The following PROCR variants were observed in gnomAD, a reference collection of about 807,000 sequenced individuals.
The protein encoded by PROCR is protein C receptor, also known as endothelial protein C receptor.
PROCR carries 22 observed loss-of-function variants against 24.2 expected under a neutral mutation model. That is an observed-to-expected ratio of 0.91 (90% confidence interval 0.65 to 1.30). The LOEUF is 1.30. Ranked by LOEUF, PROCR falls within the 50% of genes most tolerant of loss-of-function variation. The probability of loss-of-function intolerance (pLI) is 0.00; values close to 1 mark genes in which losing one functional copy is unlikely to be tolerated. For synonymous variants in PROCR, 137 were observed against 139.2 expected (o/e 0.98, Z 0.11); for missense variants, 288 against 307.7 (o/e 0.94, Z 0.48).
chr20:35,191,079 C>T (rs635279), intron 1 of PROCR, among the ~76,000 whole-genome samples: 58,458 of 151,944 alleles, frequency 0.38, 12,482 homozygotes, highest in East Asian at 0.64. Context: ...AGGATGGTCT[C>T]GATCTCTTGA....
downstream of PROCR, chr20:35,177,443 C>CTTTTTTTTTT (rs397865849): frequency 2.0e-5 from 10 of 512,368 alleles, 1 homozygote; most frequent in Admixed American, 1.5e-4. Flanking sequence ...CTCACTCATT[C>CTTTTTTTTTT]TTTTTTTTTT....
chr20:35,199,011 G>T (rs575349410), intron 1 of PROCR, among the ~76,000 whole-genome samples: 6 of 152,138 alleles, frequency 3.9e-5, no homozygotes, highest in African/African-American at 7.2e-5. Flanking sequence ...ACCATGCCCA[G>T]CCAGCCACCT....
chr20:35,211,538 A>G (rs2060362677), intron 1 of PROCR, among the ~76,000 whole-genome samples: 2 of 152,140 alleles, frequency 1.3e-5, no homozygotes, highest in Admixed American at 1.3e-4. Context: ...GAAGCAATAT[A>G]TGGCTGATTT....
chr20:35,176,019 G>T, intron 2 of PROCR, 149 bp from the exon 3 acceptor site: 1 of 882,312 alleles, frequency 1.1e-6, no homozygotes, highest in Non-Finnish European at 1.8e-6. Context: ...ACAGCCCCAG[G>T]CCCTTCTCCC....
chr20:35,211,860 A>T (rs1020206400), intron 1 of PROCR, among the ~76,000 whole-genome samples: 15 of 152,044 alleles, frequency 9.9e-5, no homozygotes, highest in African/African-American at 2.2e-4. Context: ...CTAAAAATAT[A>T]AAAAAATTAG....
intron 1 of PROCR, among the ~76,000 whole-genome samples, chr20:35,191,465 A>T (rs663550): frequency 0.39 from 58,342 of 151,492 alleles, 12,422 homozygotes; most frequent in East Asian, 0.64. Flanking sequence ...TAAACAAATA[A>T]TTTTTTTTTA....
intron 2 of PROCR, among the ~76,000 whole-genome samples, chr20:35,175,897 C>T (rs1467301443): frequency 6.7e-6 from 1 of 149,270 alleles, no homozygotes; most frequent in African/African-American, 2.4e-5. Flanking sequence ...GCCTCACCCC[C>T]TGTTTTTTTT....
rs546607344 is a variant in PROCR at position 35,213,330 on chromosome 20, C to CA, written c.95-2551dup. Among the ~76,000 whole-genome samples the CA allele has an allele frequency of 2.8e-3, 379 of 136,050 alleles. 1 individual carries two copies. The highest frequency in any genetic ancestry group is 8.4e-3 in the African/African-American group (311 of 37,104). The allele number at this position is 136,050 out of a possible 152,430, so 89.3% of individuals were successfully genotyped here. A position where few individuals can be genotyped will look rare whatever the true frequency, so the allele number is the denominator to read the frequency against. On this transcript the variant is annotated intron_variant, in intron 1 of 1. Coordinates refer to the PROCR transcript ENST00000634509. ...CCTGGGTAACGGAGCGAGACTGTCT[C>CA]AAAAAAAAAAAAGAGTCCATTTATA...
intron 1 of PROCR, among the ~76,000 whole-genome samples, chr20:35,189,983 C>G (rs983487015): frequency 6.6e-6 from 1 of 152,116 alleles, no homozygotes; most frequent in African/African-American, 2.4e-5. Context: ...TTTGTAGTCA[C>G]AGAAACATTT....
chr20:35,177,990 G>C (rs533351840), downstream of PROCR, among the ~76,000 whole-genome samples: 16 of 151,972 alleles, frequency 1.1e-4, no homozygotes, highest in South Asian at 3.1e-3. Flanking sequence ...TCCATTTTTT[G>C]GTTCCTTTTG....
At chr20:35,197,238 G>A (rs2086223636) in intron 1 of PROCR, among the ~76,000 whole-genome samples, 1 of 152,208 alleles carries the variant, frequency 6.6e-6, no homozygotes, top group Non-Finnish European at 1.5e-5. Context: ...GATTACAGAT[G>A]TGAGCCATCG....
chr20:35,178,737 G>A (rs1470622066), downstream of PROCR, among the ~76,000 whole-genome samples: 1 of 142,154 alleles, frequency 7.0e-6, no homozygotes, highest in African/African-American at 2.6e-5. Flanking sequence ...GGATGGTCTC[G>A]ATCTCCTGAC....
At position 35,208,905 on chromosome 20, in the gene PROCR, G is replaced by A. The variant is rs906329219; in HGVS notation, c.95-6988G>A. ...GAGAATTGCTTGAATCCAGGAGGCG[G>A]AGGCTGTAGTGAGCCGAGATCACAC... On this transcript the variant is annotated intron_variant, in intron 1 of 1. Coordinates refer to the PROCR transcript ENST00000634509. 4.6e-5 allele frequency among the ~76,000 whole-genome samples: 7 copies of A among 152,104 alleles called. No individual in the cohort carries two copies. The East Asian group carries it at 1.2e-3, about 25-fold the overall frequency.
At chr20:35,199,292 A>T (rs980685258) in intron 1 of PROCR, among the ~76,000 whole-genome samples, 2 of 152,192 alleles carry the variant, frequency 1.3e-5, no homozygotes, top group Admixed American at 1.3e-4. Flanking sequence ...CTGCTCAGGA[A>T]AAAAGATTCC....
intron 1 of PROCR, among the ~76,000 whole-genome samples, chr20:35,194,648 A>T (rs2086200920): frequency 6.6e-6 from 1 of 152,234 alleles, no homozygotes; most frequent in Non-Finnish European, 1.5e-5. Context: ...TGTGCTTGGT[A>T]AAAAGAAAGC....
intron 1 of PROCR, among the ~76,000 whole-genome samples, chr20:35,199,302 C>T (rs1411518965): frequency 6.6e-6 from 1 of 152,168 alleles, no homozygotes; most frequent in Non-Finnish European, 1.5e-5. Flanking sequence ...AAAAAGATTC[C>T]TCTCAAAATA....
intron 1 of PROCR, among the ~76,000 whole-genome samples, chr20:35,182,394 G>C (rs1057144392): frequency 6.6e-6 from 1 of 151,354 alleles, no homozygotes; most frequent in Non-Finnish European, 1.5e-5. Flanking sequence ...CAACCTCCTG[G>C]GCTCAAAAAA....
At position 35,176,313 on chromosome 20, in the gene PROCR, C is replaced by G. The variant is rs752304703; in HGVS notation, c.468C>G (p.Val156=). ...CCTTGTGGCAGGCAGACACCCAGGT[C>G]ACCTCCGGAGTGGTCACCTTCACCC... is the stretch of plus-strand genomic sequence containing the variant. The part of the protein sequence containing the change: ...ERALWQADTQ[V]TSGVVTFTLQ... The change falls in exon 3 of 4, where the codon GTC becomes GTG. Residue 156 remains valine (V), a synonymous_variant. Coordinates refer to ENST00000216968, the MANE Select transcript of PROCR (RefSeq NM_006404.5). The G allele has an allele frequency of 6.2e-7, 1 of 1,614,112 alleles. No homozygotes were observed. The highest frequency in any genetic ancestry group is 1.7e-5 in the Admixed American group (1 of 60,010).
At chr20:35,211,016 CTTATGAAGACTAGCAGAACTACAA>C (rs2060360974) in intron 1 of PROCR, among the ~76,000 whole-genome samples, 1 of 152,116 alleles carries the variant, frequency 6.6e-6, no homozygotes, top group Non-Finnish European at 1.5e-5. Context: ...CCTGGCCTTT[CTTATGAAGACTAGCAGAACTACAA>C]TTATGAAGAA....
Sources: gnomAD v4.1 joint callset for allele counts (sites outside exome capture counted in the v4.1 genomes callset) on GRCh38, gnomAD v4.1.1 for gene constraint, MANE v1.5 for transcripts, NCBI Gene and HGNC (gene_info 2026-07-23, HGNC 2026-07-21) for gene names.